Variants in FPR3 observed in about 807,000 individuals in gnomAD.
The protein encoded by FPR3 is formyl peptide receptor 3, also known as N-formyl peptide receptor 3.
For missense variants in FPR3, 346 were observed against 443.2 expected (o/e 0.78, Z 1.97); for synonymous variants, 135 against 163.6 (o/e 0.83, Z 1.34).
In FPR3 at chr19:51,816,436, C is replaced by A. The variant is rs2084137614; in HGVS notation, c.-10-7303C>A. Among the ~76,000 whole-genome samples the A allele has an allele frequency of 3.9e-5, 6 of 152,240 alleles. No homozygotes were observed. The East Asian group carries it at 1.2e-3, about 29-fold the overall frequency. ...TTAATTTTTGTGTTTTTAGTAGAGA[C>A]AAGGTTTTGCCACATTGGCCAGACT... On this transcript the variant is annotated intron_variant, in intron 1 of 1. Coordinates refer to ENST00000339223, the MANE Select transcript of FPR3 (RefSeq NM_002030.5).
chr19:51,819,996 G>A (rs1488811301), intron 1 of FPR3, among the ~76,000 whole-genome samples: 1 of 152,156 alleles, frequency 6.6e-6, no homozygotes, highest in East Asian at 1.9e-4. Flanking sequence ...GGAAAAAGAA[G>A]TCTTTATTCA....
Position 51,824,378 on chromosome 19 carries a change from C to T in FPR3, c.630C>T (p.Phe210=). 3 of 1,614,144 alleles carry T rather than the reference C, an allele frequency of 1.9e-6. No individual in the cohort carries two copies. Among genetic ancestry groups the T allele is most frequent in the Non-Finnish European group, 1.7e-6 (2 of 1,180,016 alleles). Residue 210 remains phenylalanine (F), a synonymous_variant, in exon 2 of 2, where the codon TTC becomes TTT. Coordinates refer to ENST00000339223, the MANE Select transcript of FPR3 (RefSeq NM_002030.5). The surrounding 1 kb of genome is among the most constrained non-coding windows in gnomAD (Gnocchi z 4.7). Reference sequence around the variant, plus strand: ...TGATCCTCCACTTCATTATTGGCTTCAGCGTGCCTATGTCCATCATCACAG... The same window carrying T: ...TGATCCTCCACTTCATTATTGGCTTTAGCGTGCCTATGTCCATCATCACAG... ...VFLILHFIIG[F]SVPMSIITVC... is the part of the protein sequence containing the mutation.
In FPR3 at chr19:51,795,323, A is replaced by C. The variant is rs12610825; in HGVS notation, c.-19A>C. 0.72 allele frequency: 109,108 copies of C among 151,906 alleles called. 39,299 individuals are homozygous for C. The highest frequency in any genetic ancestry group is 0.77 in the East Asian group (3,995 of 5,156). The allele number at this position is 151,906 out of a possible 1,614,324, so 9.4% of individuals were successfully genotyped here. A position where few individuals can be genotyped will look rare whatever the true frequency, so the allele number is the denominator to read the frequency against. On this transcript the variant is annotated 5_prime_UTR_variant, in exon 1 of 2. Coordinates refer to ENST00000339223, the MANE Select transcript of FPR3 (RefSeq NM_002030.5). Reference sequence around the variant, plus strand: ...GGAACTGGGCACAGGAAAAGGATCTAAGCTGGTGGTAAGTTGGGGTCTGAA... The same window carrying C: ...GGAACTGGGCACAGGAAAAGGATCTCAGCTGGTGGTAAGTTGGGGTCTGAA...
chr19:51,808,326 T>C (rs948311131), intron 1 of FPR3, among the ~76,000 whole-genome samples: 2 of 152,240 alleles, frequency 1.3e-5, no homozygotes, highest in Non-Finnish European at 2.9e-5. Flanking sequence ...TCCTAAGTAT[T>C]GGTATGGGGA....
chr19:51,801,930 G>A (rs1408033781), intron 1 of FPR3, among the ~76,000 whole-genome samples: 1 of 152,154 alleles, frequency 6.6e-6, no homozygotes. Flanking sequence ...CAGTCATACA[G>A]TCATTGCTCT....
intron 1 of FPR3, among the ~76,000 whole-genome samples, chr19:51,822,463 T>C (rs1013761058): frequency 1.3e-5 from 2 of 152,004 alleles, no homozygotes; most frequent in East Asian, 1.9e-4. Flanking sequence ...TCACCAGCAA[T>C]ATCTGTCAGA....
intron 1 of FPR3, chr19:51,811,626 T>C (rs62108951): frequency 0.12 from 17,967 of 152,228 alleles, 1,314 homozygotes; most frequent in South Asian, 0.28. Context: ...CCCCTGATTC[T>C]GTCGCTGTTC....
chr19:51,807,708 C>A (rs895276447), intron 1 of FPR3, among the ~76,000 whole-genome samples: 2 of 152,228 alleles, frequency 1.3e-5, no homozygotes, highest in African/African-American at 4.8e-5. Flanking sequence ...TTTTATAAAA[C>A]TGTAAAATTT....
At chr19:51,806,021 C>T (rs550628230) in intron 1 of FPR3, among the ~76,000 whole-genome samples, 1 of 152,210 alleles carries the variant, frequency 6.6e-6, no homozygotes, top group East Asian at 1.9e-4. Flanking sequence ...TACAGGTCAA[C>T]TGGGTATTGT....
intron 1 of FPR3, among the ~76,000 whole-genome samples, chr19:51,820,603 T>C (rs970341261): frequency 1.3e-5 from 2 of 152,188 alleles, no homozygotes; most frequent in African/African-American, 2.4e-5. Context: ...GACTTAGAGA[T>C]TATTGATACA....
chr19:51,818,655 A>G (rs554783032), intron 1 of FPR3, among the ~76,000 whole-genome samples: 1 of 152,156 alleles, frequency 6.6e-6, no homozygotes, highest in South Asian at 2.1e-4. Flanking sequence ...CCAGAGGAAG[A>G]TCATAGTAGG....
chr19:51,824,450 T>C lies in FPR3; in HGVS notation c.702T>C (p.Ile234=), dbSNP rs1359409788. The change falls in exon 2 of 2, where the codon ATT becomes ATC. Residue 234 remains isoleucine, a synonymous_variant. Coordinates refer to ENST00000339223, the MANE Select transcript of FPR3 (RefSeq NM_002030.5). This position sits in a 1 kb window ranked among gnomAD's most constrained non-coding sequence, Gnocchi z 4.7. ...IAAKIHRNHM[I]KSSRPLRVFA... is the part of the protein sequence containing the mutation. ...CCAAAATTCACAGAAACCACATGAT[T>C]AAATCCAGCCGTCCCTTACGTGTCT... 6.2e-7 allele frequency: 1 copy of C among 1,614,102 alleles called. No homozygotes were observed.
intron 1 of FPR3, among the ~76,000 whole-genome samples, chr19:51,806,632 A>G (rs1400118430): frequency 1.3e-5 from 2 of 152,224 alleles, no homozygotes; most frequent in East Asian, 1.9e-4. Flanking sequence ...TATGGGTTAT[A>G]GCCCAAAGCT....
intron 1 of FPR3, among the ~76,000 whole-genome samples, chr19:51,797,042 G>A (rs1440957691): frequency 2.0e-5 from 3 of 152,182 alleles, no homozygotes; most frequent in East Asian, 1.9e-4. Flanking sequence ...ACGACCAAGA[G>A]TGTATTGTGT....
intron 1 of FPR3, chr19:51,811,419 C>T (rs2084095571): frequency 6.6e-6 from 1 of 152,162 alleles, no homozygotes; most frequent in African/African-American, 2.4e-5. Flanking sequence ...AGAAAACTTC[C>T]CATTCCCAGT....
At chr19:51,821,582 T>C (rs2084189887) in intron 1 of FPR3, among the ~76,000 whole-genome samples, 1 of 151,936 alleles carries the variant, frequency 6.6e-6, no homozygotes, top group African/African-American at 2.4e-5. Context: ...TGACTGGTAA[T>C]GACAGGAAGA....
intron 1 of FPR3, among the ~76,000 whole-genome samples, chr19:51,800,893 G>A (rs10421380): frequency 0.19 from 29,097 of 152,020 alleles, 3,279 homozygotes; most frequent in East Asian, 0.46. Flanking sequence ...AGAAATGCAA[G>A]TCACTTTAAA....
chr19:51,813,119 A>AACACACACACAC lies in FPR3; in HGVS notation c.-10-10589_-10-10578dup, dbSNP rs35245083. ...GGGTGACAGAGTGATGCTCTGTCTC[A>AACACACACACAC]ACACACACACACACACACACACACA... On this transcript the variant is annotated intron_variant, in intron 1 of 1. Transcript: ENST00000339223. Among the ~76,000 whole-genome samples the AACACACACACAC allele has an allele frequency of 1.3e-3, 179 of 137,206 alleles. 1 individual carries two copies. Among genetic ancestry groups the AACACACACACAC allele is most frequent in the Admixed American group, 2.6e-3 (35 of 13,580 alleles). The allele number at this position is 137,206 out of a possible 152,430, so 90.0% of individuals were successfully genotyped here.
At chr19:51,819,475 C>T (rs76748600) in intron 1 of FPR3, among the ~76,000 whole-genome samples, 15,150 of 150,326 alleles carry the variant, frequency 0.1, 1,001 homozygotes, top group East Asian at 0.21. Context: ...ATTGTGTGTA[C>T]ATCTTATCAT....
Sources: allele counts gnomAD v4.1 joint callset (sites outside exome capture counted in the v4.1 genomes callset), GRCh38; gene constraint gnomAD v4.1.1; non-coding constraint Gnocchi (gnomAD v3.1); transcripts MANE v1.5; gene names NCBI Gene and HGNC (gene_info 2026-07-23, HGNC 2026-07-21).